The following EPHA3 variants were observed in gnomAD, a reference collection of about 807,000 sequenced individuals.
EPHA3 encodes the protein ephrin type-A receptor 3.
Under a neutral mutation model 107.1 loss-of-function variants are expected in EPHA3, and 42 were observed. That is an observed-to-expected ratio of 0.39 (90% CI 0.31 to 0.51). The LOEUF is 0.51. Among genes scored for constraint, EPHA3 ranks in the 20% least tolerant of loss-of-function variants. The pLI, the probability that EPHA3 is intolerant of heterozygous loss-of-function variation, is 0.78. For missense variants in EPHA3, 1,183 were observed against 1,211.2 expected, an observed-to-expected ratio of 0.98 and a Z score of 0.35; for synonymous variants, 461 against 424.8, an observed-to-expected ratio of 1.09 and a Z score of -1.05.
At chr3:89,145,970 T>C (rs1245432165) in intron 2 of EPHA3, among the ~76,000 whole-genome samples, 1 of 151,886 alleles carries the variant, frequency 6.6e-6, no homozygotes, top group African/African-American at 2.4e-5. Flanking sequence ...AATGAATAGA[T>C]GCTAATTTTG....
chr3:89,232,766 C>T (rs540322889), intron 3 of EPHA3, among the ~76,000 whole-genome samples: 2 of 152,266 alleles, frequency 1.3e-5, no homozygotes, highest in South Asian at 2.1e-4. Flanking sequence ...TTGAAGTGCT[C>T]TATAATTAAT....
At chr3:89,185,847 T>C (rs1705551294) in intron 2 of EPHA3, among the ~76,000 whole-genome samples, 2 of 152,118 alleles carry the variant, frequency 1.3e-5, no homozygotes, top group Admixed American at 1.3e-4. Context: ...TTTAGAGGGA[T>C]AAATGGTTCA....
At chr3:89,160,552 G>GTC (rs1305043724) in intron 2 of EPHA3, among the ~76,000 whole-genome samples, 1 of 78,806 alleles carries the variant, frequency 1.3e-5, no homozygotes, top group Non-Finnish European at 2.8e-5. Flanking sequence ...TAGATTTTGT[G>GTC]TGTGTGTGTG....
intron 14 of EPHA3, among the ~76,000 whole-genome samples, chr3:89,449,711 G>T (rs1158383003): frequency 1.3e-5 from 2 of 151,968 alleles, no homozygotes; most frequent in African/African-American, 2.4e-5. Flanking sequence ...AAGTACTAAT[G>T]AACTAATAGT....
intron 2 of EPHA3, among the ~76,000 whole-genome samples, chr3:89,132,624 CT>C (rs1197670512): frequency 6.6e-6 from 1 of 152,150 alleles, no homozygotes; most frequent in African/African-American, 2.4e-5. Flanking sequence ...AATCCCAGCG[CT>C]TTGAGAGACC....
At chr3:89,347,536 G>C (rs1287379970) in intron 5 of EPHA3, among the ~76,000 whole-genome samples, 1 of 148,644 alleles carries the variant, frequency 6.7e-6, no homozygotes, top group Non-Finnish European at 1.5e-5. Flanking sequence ...GGGTTTTCTA[G>C]ATATACAATC....
intron 2 of EPHA3, among the ~76,000 whole-genome samples, chr3:89,203,496 G>C (rs1706024203): frequency 6.6e-6 from 1 of 152,008 alleles, no homozygotes; most frequent in African/African-American, 2.4e-5. Context: ...AGCTCCGGCT[G>C]GGCGCGGTGG....
At chr3:89,281,530 T>C (rs1705948415) in intron 3 of EPHA3, among the ~76,000 whole-genome samples, 1 of 152,180 alleles carries the variant, frequency 6.6e-6, no homozygotes, top group Admixed American at 6.5e-5. Context: ...ATGCATTATG[T>C]ACAAATGTAC....
chr3:89,417,055 G>A (rs1709262177), intron 10 of EPHA3, among the ~76,000 whole-genome samples: 1 of 151,510 alleles, frequency 6.6e-6, no homozygotes, highest in Admixed American at 6.6e-5. Flanking sequence ...TTATCCTTTA[G>A]GTGGGTCTGA....
At chr3:89,375,436 A>G (rs1395967532) in intron 5 of EPHA3, among the ~76,000 whole-genome samples, 1 of 151,738 alleles carries the variant, frequency 6.6e-6, no homozygotes, top group Non-Finnish European at 1.5e-5. Flanking sequence ...AAGAATAAGT[A>G]TTAATCATTT....
chr3:89,107,656 T>A lies in EPHA3; in HGVS notation c.-93T>A. The A allele has an allele frequency of 4.3e-6, 5 of 1,164,104 alleles. No homozygotes were observed. Among genetic ancestry groups the A allele is most frequent in the South Asian group, 3.9e-5 (3 of 77,660 alleles). 72.1% of individuals were successfully genotyped at this position (1,164,104 alleles called of 1,614,324 possible). ...TTGACATCAGCCTGCGAGCGGAGCATGGTAACTTCTCCAGCAATCAGAGCG... is the reference window on the plus strand; with the variant it reads ...TTGACATCAGCCTGCGAGCGGAGCAAGGTAACTTCTCCAGCAATCAGAGCG... On this transcript the variant is annotated 5_prime_UTR_variant, in exon 1 of 17. An upstream start codon of the reference 5' UTR is lost. Coordinates refer to ENST00000336596, the MANE Select transcript of EPHA3 (RefSeq NM_005233.6).
chr3:89,470,535 A>G (rs1710378320), intron 15 of EPHA3, among the ~76,000 whole-genome samples: 1 of 152,202 alleles, frequency 6.6e-6, no homozygotes, highest in Non-Finnish European at 1.5e-5. Context: ...TTTACAGATG[A>G]GGAAACAGAC....
intron 5 of EPHA3, among the ~76,000 whole-genome samples, chr3:89,352,684 A>G (rs1292667465): frequency 6.6e-6 from 1 of 150,818 alleles, no homozygotes; most frequent in African/African-American, 2.4e-5. Context: ...CGGGTGGATC[A>G]CTTGAGGTCA....
chr3:89,227,598 A>G (rs1704531324), intron 3 of EPHA3, among the ~76,000 whole-genome samples: 1 of 152,028 alleles, frequency 6.6e-6, no homozygotes, highest in African/African-American at 2.4e-5. Context: ...TTTCTCAATT[A>G]CCTTGTACAT....
At chr3:89,216,432 G>A (rs997101090) in intron 3 of EPHA3, among the ~76,000 whole-genome samples, 1 of 151,856 alleles carries the variant, frequency 6.6e-6, no homozygotes, top group African/African-American at 2.4e-5. Context: ...TTCTGTGAAG[G>A]GTGGGATATT....
intron 3 of EPHA3, among the ~76,000 whole-genome samples, chr3:89,302,024 A>G (rs1160824133): frequency 6.6e-6 from 1 of 152,194 alleles, no homozygotes; most frequent in East Asian, 1.9e-4. Flanking sequence ...AATTCTTCAT[A>G]CCACGGAAGG....
At chr3:89,467,235 G>T (rs369096269) in intron 15 of EPHA3, among the ~76,000 whole-genome samples, 1 of 152,008 alleles carries the variant, frequency 6.6e-6, no homozygotes, top group African/African-American at 2.4e-5. Context: ...TAAAATGTAC[G>T]GAAAAAATAT....
At chr3:89,294,265 T>C (rs1487983082) in intron 3 of EPHA3, among the ~76,000 whole-genome samples, 4 of 152,216 alleles carry the variant, frequency 2.6e-5, no homozygotes, top group African/African-American at 9.6e-5. Context: ...CAAATGACTA[T>C]CTAATTGTTT....
intron 3 of EPHA3, among the ~76,000 whole-genome samples, chr3:89,211,733 TCTTCTTCTC>T (rs879395918): frequency 0.086 from 1,032 of 11,958 alleles, 186 homozygotes; most frequent in Middle Eastern, 0.15. Context: ...TTTTTCTTCT[TCTTCTTCTC>T]CTTCTTCTTC....
Sources: gnomAD v4.1 joint callset for allele counts (sites outside exome capture counted in the v4.1 genomes callset) on GRCh38, gnomAD v4.1.1 for gene constraint, MANE v1.5 for transcripts, NCBI Gene and HGNC (gene_info 2026-07-23, HGNC 2026-07-21) for gene names.